LONRF2: variants seen among roughly 807,000 people sequenced by gnomAD.
LONRF2 encodes the protein LON peptidase N-terminal domain and ring finger 2.
LONRF2 carries 35 observed loss-of-function variants against 66.6 expected under a neutral mutation model. That is an observed-to-expected ratio of 0.53 (90% CI 0.40 to 0.70). The LOEUF is 0.70. Among genes scored for constraint, LONRF2 ranks in the 30% least tolerant of loss-of-function variants. The probability of loss-of-function intolerance (pLI) is 0.00; values close to 1 mark genes in which losing one functional copy is unlikely to be tolerated. For missense variants in LONRF2, 902 were observed against 1,002.1 expected, an observed-to-expected ratio of 0.90 and a Z score of 1.35; for synonymous variants, 417 against 418.1, an observed-to-expected ratio of 1.00 and a Z score of 0.03.
At position 100,272,020 on chromosome 2, in the gene LONRF2, C is replaced by T. The variant is rs1002721792; in HGVS notation, c.*12278G>A. On this transcript the variant is annotated 3_prime_UTR_variant, in exon 12 of 12. Transcript: ENST00000393437. ...ATCCTTACAACTCACATATAAAAGA[C>T]TTCATCAGAGGTTTTCCCAGATTTG... 6.6e-6 allele frequency among the ~76,000 whole-genome samples: 1 copy of T among 152,194 alleles called. No homozygotes were observed. Among genetic ancestry groups the T allele is most frequent in the Non-Finnish European group, 1.5e-5 (1 of 68,054 alleles).
chr2:100,306,074 T>TTG (rs1270745868), intron 2 of LONRF2, among the ~76,000 whole-genome samples: 5 of 150,634 alleles, frequency 3.3e-5, no homozygotes, highest in African/African-American at 9.7e-5. Context: ...TGGCTATTTT[T>TTG]TGTGTGTGTG....
chr2:100,299,589 T>C lies in LONRF2; in HGVS notation c.1267+128A>G, dbSNP rs2033749. 499,091 of 736,034 alleles carry C rather than the reference T, an allele frequency of 0.68. 172,286 individuals are homozygous for C. The highest frequency in any genetic ancestry group is 0.96 in the East Asian group (34,756 of 36,170). 45.6% of individuals were successfully genotyped at this position (736,034 alleles called of 1,614,324 possible). A position where few individuals can be genotyped will look rare whatever the true frequency, so the allele number is the denominator to read the frequency against. On this transcript the variant is annotated intron_variant, in intron 5 of 11. Transcript: ENST00000393437. ...AAAACATCTAAAATGCTCTATAATC[T>C]TAGAGCTGATATAATCATTTCATTA...
intron 4 of LONRF2, 120 bp from the exon 5 acceptor site, chr2:100,300,038 T>A: frequency 1.6e-6 from 1 of 614,548 alleles, no homozygotes; most frequent in South Asian, 2.1e-5. Context: ...CATACACTCT[T>A]CTTCATAATT....
At chr2:100,290,577 C>T (rs1674939736) in intron 9 of LONRF2, among the ~76,000 whole-genome samples, 157 bp from the exon 10 acceptor site, 1 of 152,172 alleles carries the variant, frequency 6.6e-6, no homozygotes, top group African/African-American at 2.4e-5. Flanking sequence ...GAGACACGTG[C>T]ACATGGTCGC....
chr2:100,279,597 C>A lies in LONRF2; in HGVS notation c.*4701G>T, dbSNP rs951813270. ...TTATGATATTTTGACATCTCAGGGG[C>A]CTCGCTGACCCAGGAGAAACTGCCC... is the stretch of plus-strand genomic sequence containing the variant. On this transcript the variant is annotated 3_prime_UTR_variant, in exon 12 of 12. Coordinates refer to ENST00000393437, the MANE Select transcript of LONRF2 (RefSeq NM_198461.4). The A allele has an allele frequency of 2.0e-5, 3 of 152,132 alleles. No homozygotes were observed. Among genetic ancestry groups the A allele is most frequent in the African/African-American group, 4.8e-5 (2 of 41,424 alleles). 9.4% of individuals were successfully genotyped at this position (152,132 alleles called of 1,614,324 possible).
At chr2:100,294,818 A>G (rs1284719239) in intron 8 of LONRF2, among the ~76,000 whole-genome samples, 2 of 152,164 alleles carry the variant, frequency 1.3e-5, no homozygotes, top group African/African-American at 4.8e-5. Context: ...AATCCTGGGT[A>G]TTAGTTCTCA....
intron 1 of LONRF2, among the ~76,000 whole-genome samples, chr2:100,312,446 T>C (rs1573125603): frequency 6.6e-6 from 1 of 152,238 alleles, no homozygotes; most frequent in African/African-American, 2.4e-5. Flanking sequence ...TAATATCTTG[T>C]TCATTATTCC....
chr2:100,302,630 C>T (rs1675207800), intron 3 of LONRF2, among the ~76,000 whole-genome samples: 1 of 152,164 alleles, frequency 6.6e-6, no homozygotes, highest in African/African-American at 2.4e-5. Context: ...TATGAAGCTT[C>T]TACACAAACT....
At chr2:100,285,482 A>G (rs974492931) in intron 11 of LONRF2, among the ~76,000 whole-genome samples, 3 of 152,234 alleles carry the variant, frequency 2.0e-5, no homozygotes, top group Non-Finnish European at 4.4e-5. Context: ...TGTATTACCT[A>G]AAATCCCTCT....
chr2:100,304,243 C>T (rs11683121), intron 2 of LONRF2, among the ~76,000 whole-genome samples: 73,777 of 151,618 alleles, frequency 0.49, 18,295 homozygotes, highest in East Asian at 0.73. Context: ...ACCCTTAACT[C>T]CTGGGTTCAA....
At position 100,284,536 on chromosome 2, in the gene LONRF2, C is replaced by G. The variant is rs750516089; in HGVS notation, c.2071-44G>C. On this transcript the variant is annotated intron_variant, in intron 11 of 11. Transcript: ENST00000393437. The stretch of plus-strand genomic sequence containing the variant: ...GAAAGCAAGGTTAACACTGGAAATG[C>G]AAGCCTGTTCCCCAACACAGTCTTT... 4 of 1,442,084 alleles carry G rather than the reference C, an allele frequency of 2.8e-6. No homozygotes were observed. In the Admixed American group the frequency reaches 1.1e-4, roughly 39 times the overall value. The allele number at this position is 1,442,084 out of a possible 1,614,324, so 89.3% of individuals were successfully genotyped here.
chr2:100,290,461 T>A (rs1358323426), intron 9 of LONRF2, 41 bp from the exon 10 acceptor site: 1 of 1,566,482 alleles, frequency 6.4e-7, no homozygotes, highest in East Asian at 2.3e-5. Flanking sequence ...ATTTTTAAAA[T>A]GCAGGGGGCC....
Position 100,282,051 on chromosome 2 carries a change from G to A in LONRF2, c.*2247C>T, listed in dbSNP as rs967833791. 1 of 152,106 alleles carries A rather than the reference G, an allele frequency of 6.6e-6. No homozygotes were observed. Among genetic ancestry groups the A allele is most frequent in the Non-Finnish European group, 1.5e-5 (1 of 68,034 alleles). The allele number at this position is 152,106 out of a possible 1,614,324, so 9.4% of individuals were successfully genotyped here. A position where few individuals can be genotyped will look rare whatever the true frequency, so the allele number is the denominator to read the frequency against. On this transcript the variant is annotated 3_prime_UTR_variant, in exon 12 of 12. Coordinates refer to ENST00000393437, the MANE Select transcript of LONRF2 (RefSeq NM_198461.4). The stretch of plus-strand genomic sequence containing the variant: ...GTGTGATGCTGAACAGAGAGAGCAC[G>A]ATGTGATCATAGTTAATTCCCTCTG...
Position 100,277,286 on chromosome 2 carries a change from C to T in LONRF2, c.*7012G>A, listed in dbSNP as rs973754749. 3.3e-5 allele frequency: 5 copies of T among 152,238 alleles called. No homozygotes were observed. The highest frequency in any genetic ancestry group is 9.7e-5 in the African/African-American group (4 of 41,434). The allele number at this position is 152,238 out of a possible 1,614,324, so 9.4% of individuals were successfully genotyped here. A position where few individuals can be genotyped will look rare whatever the true frequency, so the allele number is the denominator to read the frequency against. On this transcript the variant is annotated 3_prime_UTR_variant, in exon 12 of 12. Transcript: ENST00000393437. ...TTTGGATGCAAGAAACTATCCCTCT[C>T]AGCCTCATGCTACCCTATTAAAGCA... is the stretch of plus-strand genomic sequence containing the variant.
In LONRF2 at chr2:100,321,623, G is replaced by C. The variant is rs772240965; in HGVS notation, c.471C>G (p.Pro157=). ...RRLLHKPVTL[P]CGLTVCKRCV... ...AGCGCTTGCAGACTGTGAGCCCGCA[G>C]GGCAGCGTCACCGGCTTATGCAGCA... Residue 157 remains proline (P), a synonymous_variant, in exon 1 of 12, where the codon CCC becomes CCG. Coordinates refer to ENST00000393437, the MANE Select transcript of LONRF2 (RefSeq NM_198461.4). 2.7e-6 allele frequency: 4 copies of C among 1,490,118 alleles called. No individual in the cohort carries two copies. In the East Asian group the frequency reaches 8.5e-5, roughly 32 times the overall value. 92.3% of individuals were successfully genotyped at this position (1,490,118 alleles called of 1,614,324 possible).
chr2:100,307,211 C>T (rs193059335), intron 2 of LONRF2, among the ~76,000 whole-genome samples: 170 of 152,278 alleles, frequency 1.1e-3, no homozygotes, highest in African/African-American at 3.6e-3. Context: ...TGAGCCACCG[C>T]GCCCGGCCTA....
In LONRF2 at chr2:100,321,846, C is replaced by T; in HGVS notation, c.248G>A (p.Gly83Asp). ...CCGCAGCGCCCCGAGCCGCGCGGCGCCGCGGAACGCGCCCAGGGCTTCGGG... is the reference window on the plus strand; with the variant it reads ...CCGCAGCGCCCCGAGCCGCGCGGCGTCGCGGAACGCGCCCAGGGCTTCGGG... The part of the protein sequence containing the change: ...RLPEALGAFR[G>D]AARLGALRPE... The change falls in exon 1 of 12, where the codon GGC becomes GAC. Residue 83 changes from glycine to aspartate, a missense_variant. This residue lies in a region of LONRF2 where 585 missense variants were observed against 569.9 expected (regional missense o/e 1.03). Coordinates refer to ENST00000393437, the MANE Select transcript of LONRF2 (RefSeq NM_198461.4). 3 of 1,156,480 alleles carry T rather than the reference C, an allele frequency of 2.6e-6. No individual in the cohort carries two copies. The highest frequency in any genetic ancestry group is 2.1e-6 in the Non-Finnish European group (2 of 942,390). The allele number at this position is 1,156,480 out of a possible 1,614,324, so 71.6% of individuals were successfully genotyped here.
intron 2 of LONRF2, among the ~76,000 whole-genome samples, chr2:100,304,016 G>GT (rs748669915): frequency 3.3e-5 from 5 of 150,952 alleles, no homozygotes; most frequent in African/African-American, 7.3e-5. Flanking sequence ...TTTTCTTTCT[G>GT]TTTTTTGCAT....
At position 100,322,214 on chromosome 2, in the gene LONRF2, T is replaced by G; in HGVS notation, c.-121A>C. 26 of 849,688 alleles carry G rather than the reference T, an allele frequency of 3.1e-5. No homozygotes were observed. Among genetic ancestry groups the G allele is most frequent in the Middle Eastern group, 5.2e-4 (1 of 1,940 alleles). The allele number at this position is 849,688 out of a possible 1,614,324, so 52.6% of individuals were successfully genotyped here. A position where few individuals can be genotyped will look rare whatever the true frequency, so the allele number is the denominator to read the frequency against. On this transcript the variant is annotated 5_prime_UTR_variant, in exon 1 of 12. Transcript: ENST00000393437. ...GCCCTCGCCAGCAGCCACGCGCGTC[T>G]GGGGGCGGCGCGCTGCGAGCGGCTG...
Sources: gnomAD v4.1 joint callset for allele counts (sites outside exome capture counted in the v4.1 genomes callset) on GRCh38, gnomAD v4.1.1 for gene constraint, gnomAD v4.1.1 regional missense constraint, MANE v1.5 for transcripts, NCBI Gene and HGNC (gene_info 2026-07-23, HGNC 2026-07-21) for gene names.